Variants in STAG1 observed in about 807,000 individuals in gnomAD.
The protein encoded by STAG1 is cohesin subunit SA-1.
STAG1 carries 26 observed loss-of-function variants against 170.9 expected under a neutral mutation model. The ratio of observed to expected loss-of-function variants is 0.15; its 90% CI spans 0.11 to 0.21. The LOEUF (loss-of-function observed/expected upper bound fraction) is 0.21, where lower values mean the gene tolerates loss of function less well. STAG1 is among the 10% of genes least tolerant of loss of function. STAG1 has a pLI of 1.00. For synonymous variants in STAG1, 514 were observed against 497.7 expected, an observed-to-expected ratio of 1.03 and a Z score of -0.44; for missense variants, 964 against 1,509.5, an observed-to-expected ratio of 0.64 and a Z score of 5.99.
At chr3:136,590,366 G>A (rs1035634877) in intron 4 of STAG1, among the ~76,000 whole-genome samples, 3 of 150,636 alleles carry the variant, frequency 2.0e-5, no homozygotes, top group Non-Finnish European at 4.4e-5. Flanking sequence ...AGTGGTGTGC[G>A]CCTGTAATCC....
chr3:136,378,931 T>C (rs1937768736), intron 22 of STAG1, among the ~76,000 whole-genome samples: 1 of 152,202 alleles, frequency 6.6e-6, no homozygotes, highest in African/African-American at 2.4e-5. Context: ...AGTACTCAAC[T>C]AAAACTCTTT....
chr3:136,467,555 T>C (rs1023904256), intron 12 of STAG1, among the ~76,000 whole-genome samples: 2 of 152,052 alleles, frequency 1.3e-5, no homozygotes, highest in Non-Finnish European at 2.9e-5. Context: ...CACACAATAA[T>C]AATGGGAGAC....
At chr3:136,436,756 T>TA (rs1484289402) in intron 15 of STAG1, among the ~76,000 whole-genome samples, 3 of 152,200 alleles carry the variant, frequency 2.0e-5, no homozygotes, top group Admixed American at 6.5e-5. Context: ...TATTTTAAAC[T>TA]AAGTTGGAGC....
intron 5 of STAG1, among the ~76,000 whole-genome samples, chr3:136,547,878 G>C (rs1936223963): frequency 6.6e-6 from 1 of 152,054 alleles, no homozygotes; most frequent in Non-Finnish European, 1.5e-5. Context: ...AATCCATTTT[G>C]AGTTGATTTT....
intron 1 of STAG1, among the ~76,000 whole-genome samples, chr3:136,639,773 T>G (rs1177953945): frequency 3.9e-5 from 6 of 152,148 alleles, no homozygotes; most frequent in African/African-American, 1.4e-4. Context: ...ACCACAGCCA[T>G]AAGAAAAAAT....
chr3:136,468,343 G>GC (rs2089529294), intron 12 of STAG1, among the ~76,000 whole-genome samples: 1 of 152,136 alleles, frequency 6.6e-6, no homozygotes, highest in Non-Finnish European at 1.5e-5. Context: ...CGATCCCACA[G>GC]AAATACAAAC....
intron 21 of STAG1, 74 bp downstream of exon 21, chr3:136,417,811 G>A (rs1273949186): frequency 4.7e-6 from 5 of 1,073,868 alleles, no homozygotes; most frequent in Non-Finnish European, 7.2e-6. Flanking sequence ...TCTATAAAAG[G>A]CTTCTGATAA....
intron 5 of STAG1, among the ~76,000 whole-genome samples, chr3:136,547,702 T>C (rs1936214652): frequency 6.6e-6 from 1 of 152,244 alleles, no homozygotes; most frequent in Admixed American, 6.5e-5. Context: ...TAATATTCTA[T>C]TGTATGTATA....
chr3:136,680,703 C>T (rs2107886441), intron 1 of STAG1, among the ~76,000 whole-genome samples: 1 of 151,700 alleles, frequency 6.6e-6, no homozygotes, highest in East Asian at 1.9e-4. Flanking sequence ...AAGATTTACA[C>T]TTACACATAA....
chr3:136,635,140 G>T (rs1013121608), intron 1 of STAG1, among the ~76,000 whole-genome samples: 5 of 152,136 alleles, frequency 3.3e-5, no homozygotes, highest in African/African-American at 1.2e-4. Flanking sequence ...AGGCATTTCT[G>T]TAACACCAAA....
In STAG1 at chr3:136,722,669, CTCCCTCTCCCCCCTT is replaced by C. The variant is rs1288875664; in HGVS notation, c.-84+29511_-84+29525del. Among the ~76,000 whole-genome samples, 104 of 146,842 alleles carry C rather than the reference CTCCCTCTCCCCCCTT, an allele frequency of 7.1e-4. 1 individual carries two copies. The highest frequency in any genetic ancestry group is 2.5e-3 in the African/African-American group (99 of 40,254). On this transcript the variant is annotated intron_variant, in intron 1 of 33. Transcript: ENST00000383202. ...CCCTCTCCCCTCTCCCTTCTCCCCTCTCCCTCTCCCCCCTTTCCCTCTCCCCACGGTCTCCCTCTC... is the reference window on the plus strand; with the variant it reads ...CCCTCTCCCCTCTCCCTTCTCCCCTCTCCCTCTCCCCACGGTCTCCCTCTC...
At chr3:136,379,970 A>G (rs1480805172) in intron 22 of STAG1, among the ~76,000 whole-genome samples, 2 of 151,922 alleles carry the variant, frequency 1.3e-5, no homozygotes, top group African/African-American at 4.9e-5. Context: ...ACAATGGAGA[A>G]TGATGTGGAA....
chr3:136,441,623 G>A (rs2088634279), intron 15 of STAG1, among the ~76,000 whole-genome samples: 1 of 152,126 alleles, frequency 6.6e-6, no homozygotes, highest in Admixed American at 6.6e-5. Flanking sequence ...ATCACTGCTT[G>A]GAAGGAACAC....
intron 6 of STAG1, among the ~76,000 whole-genome samples, chr3:136,532,588 A>C (rs1324598881): frequency 6.6e-6 from 1 of 152,174 alleles, no homozygotes; most frequent in Non-Finnish European, 1.5e-5. Flanking sequence ...CAAAATTTAC[A>C]TAAGGCATTC....
intron 5 of STAG1, among the ~76,000 whole-genome samples, chr3:136,563,536 ACTCTCT>A (rs150795750): frequency 2.2e-5 from 3 of 136,564 alleles, no homozygotes; most frequent in Non-Finnish European, 4.7e-5. Flanking sequence ...GCACGCACAA[ACTCTCT>A]CTCTCTCTCT....
chr3:136,374,616 TC>T (rs1937514138), intron 23 of STAG1, among the ~76,000 whole-genome samples: 1 of 149,382 alleles, frequency 6.7e-6, no homozygotes, highest in African/African-American at 2.5e-5. Flanking sequence ...AAACTCCGTC[TC>T]AAAAAAAAAA....
In STAG1 at chr3:136,397,467, C is replaced by T. The variant is rs565007815; in HGVS notation, c.2277+1282G>A. 9.5e-5 allele frequency among the ~76,000 whole-genome samples: 14 copies of T among 147,822 alleles called. No individual in the cohort carries two copies. The East Asian group carries it at 2.9e-3, about 30-fold the overall frequency. On this transcript the variant is annotated intron_variant, in intron 22 of 33. Coordinates refer to ENST00000383202, the MANE Select transcript of STAG1 (RefSeq NM_005862.3). ...ACTTTTTTTCTTTCTTTTTTTTTTA[C>T]CATCAAAATAGTATGAATTCAGGTG...
At chr3:136,475,747 GGAGCA>G (rs1412398128) in intron 10 of STAG1, among the ~76,000 whole-genome samples, 2 of 152,140 alleles carry the variant, frequency 1.3e-5, no homozygotes, top group African/African-American at 4.8e-5. Context: ...TACACTGGAG[GGAGCA>G]GAGCAAATAG....
chr3:136,601,229 T>C (rs2107804475), intron 4 of STAG1, among the ~76,000 whole-genome samples: 1 of 152,156 alleles, frequency 6.6e-6, no homozygotes, highest in South Asian at 2.1e-4. Flanking sequence ...AAATAAACCA[T>C]GACCCAACTA....
Sources: allele counts gnomAD v4.1 joint callset (sites outside exome capture counted in the v4.1 genomes callset), GRCh38; gene constraint gnomAD v4.1.1; transcripts MANE v1.5; gene names NCBI Gene and HGNC (gene_info 2026-07-23, HGNC 2026-07-21).